The following TMED8 variants were observed in gnomAD, a reference collection of about 807,000 sequenced individuals.
TMED8 encodes the protein protein TMED8.
In TMED8, 15 loss-of-function variants were observed where a neutral mutation model predicts 32.7. That is an observed-to-expected ratio of 0.46 (90% confidence interval 0.31 to 0.71). TMED8 has a LOEUF of 0.71. Ranked by LOEUF, TMED8 falls within the 30% of genes least tolerant of loss-of-function variation. The probability of loss-of-function intolerance (pLI) is 0.06; values close to 1 mark genes in which losing one functional copy is unlikely to be tolerated. For missense variants in TMED8, 390 were observed against 423.9 expected (o/e 0.92, Z 0.70); for synonymous variants, 147 against 161.4 (o/e 0.91, Z 0.68).
At chr14:77,352,983 C>T (rs956920537) in intron 1 of TMED8, among the ~76,000 whole-genome samples, 1 of 152,026 alleles carries the variant, frequency 6.6e-6, no homozygotes, top group Non-Finnish European at 1.5e-5. Flanking sequence ...AACTAGGTGC[C>T]CTCAAGGAGT....
At position 77,339,986 on chromosome 14, in the gene TMED8, A is replaced by AAGGAG. The variant is rs1566681730; in HGVS notation, c.*1784_*1785insCTCCT. 1.3e-5 allele frequency: 2 copies of AAGGAG among 151,494 alleles called. No homozygotes were observed. Among genetic ancestry groups the AAGGAG allele is most frequent in the Non-Finnish European group, 3.0e-5 (2 of 67,768 alleles). 9.4% of individuals were successfully genotyped at this position (151,494 alleles called of 1,614,324 possible). On this transcript the variant is annotated 3_prime_UTR_variant, in exon 6 of 6. Transcript: ENST00000216468. ...GACCCTTGGTGTGAGGAATCTAACA[A>AAGGAG]TGAGTCAAAGGAAACATCACAAAGA...
At chr14:77,344,758 A>C (rs761324881) in intron 3 of TMED8, among the ~76,000 whole-genome samples, 4 of 152,260 alleles carry the variant, frequency 2.6e-5, no homozygotes, top group African/African-American at 4.8e-5. Flanking sequence ...AGAAATAAAT[A>C]AATCAAGTTT....
At chr14:77,375,577 G>A (rs572488548) in intron 1 of TMED8, among the ~76,000 whole-genome samples, 3 of 152,092 alleles carry the variant, frequency 2.0e-5, no homozygotes, top group South Asian at 2.1e-4. Context: ...AGCAGAGTTC[G>A]TAAGAAAAAA....
chr14:77,356,809 A>G (rs1445432919), intron 1 of TMED8, among the ~76,000 whole-genome samples: 13 of 152,158 alleles, frequency 8.5e-5, no homozygotes, highest in Admixed American at 8.5e-4. Flanking sequence ...ATCTACATCA[A>G]TCCTCACCAC....
In TMED8 at chr14:77,336,086, ATATAC is replaced by A. The variant is rs1344707492; in HGVS notation, c.*5680_*5684del. On this transcript the variant is annotated 3_prime_UTR_variant, in exon 6 of 6. Transcript: ENST00000216468. ...GAATTAAGGGCTCTTTGGTAATATC[ATATAC>A]TATAATATTTCAAACCAAAACTTCA... 2 of 152,190 alleles carry A rather than the reference ATATAC, an allele frequency of 1.3e-5. No individual in the cohort carries two copies. The highest frequency in any genetic ancestry group is 2.9e-5 in the Non-Finnish European group (2 of 68,028). 9.4% of individuals were successfully genotyped at this position (152,190 alleles called of 1,614,324 possible).
chr14:77,346,564 C>A, intron 2 of TMED8, 86 bp from the exon 3 acceptor site: 2 of 1,554,526 alleles, frequency 1.3e-6, no homozygotes, highest in Non-Finnish European at 1.8e-6. Flanking sequence ...AAACAACATT[C>A]GAGATACCCC....
chr14:77,356,525 C>G (rs540112013), intron 1 of TMED8, among the ~76,000 whole-genome samples: 21 of 152,122 alleles, frequency 1.4e-4, no homozygotes, highest in Non-Finnish European at 2.6e-4. Context: ...ACCTTCTTGC[C>G]CCACTCACCA....
chr14:77,353,659 G>A (rs1444623954), intron 1 of TMED8, among the ~76,000 whole-genome samples: 1 of 150,250 alleles, frequency 6.7e-6, no homozygotes, highest in Non-Finnish European at 1.5e-5. Context: ...GTCTCACTAT[G>A]TTGCCCAGGA....
At chr14:77,373,728 C>G (rs562869574) in intron 1 of TMED8, among the ~76,000 whole-genome samples, 1 of 152,172 alleles carries the variant, frequency 6.6e-6, no homozygotes, top group Admixed American at 6.5e-5. Context: ...CCAAATCTCA[C>G]GCTGAAATGT....
chr14:77,358,806 G>A (rs1405050231), intron 1 of TMED8, among the ~76,000 whole-genome samples: 1 of 152,064 alleles, frequency 6.6e-6, no homozygotes, highest in Non-Finnish European at 1.5e-5. Flanking sequence ...TCCATTATTT[G>A]TTTTTGAAAA....
At chr14:77,372,867 T>G (rs1893702294) in intron 1 of TMED8, among the ~76,000 whole-genome samples, 1 of 132,198 alleles carries the variant, frequency 7.6e-6, no homozygotes, top group South Asian at 2.7e-4. Context: ...CCACCAAATT[T>G]TGAATTTTAA....
At chr14:77,346,284 C>T (rs1893029205) in intron 3 of TMED8, 65 bp downstream of exon 3, 2 of 1,560,268 alleles carry the variant, frequency 1.3e-6, no homozygotes, top group Non-Finnish European at 1.7e-6. Context: ...AATTCCAACC[C>T]AACCACTATG....
At chr14:77,358,801 T>C (rs562866010) in intron 1 of TMED8, among the ~76,000 whole-genome samples, 123 of 152,358 alleles carry the variant, frequency 8.1e-4, no homozygotes, top group African/African-American at 2.9e-3. Context: ...AACCTTCCAT[T>C]ATTTGTTTTT....
In TMED8 at chr14:77,353,699, G is replaced by A. The variant is rs149581158; in HGVS notation, c.119-1948C>T. Among the ~76,000 whole-genome samples, 744 of 151,486 alleles carry A rather than the reference G, an allele frequency of 4.9e-3. 3 individuals carry two copies. Among genetic ancestry groups the A allele is most frequent in the African/African-American group, 0.017 (693 of 41,318 alleles). ...TTGTCTTGAATTCCTGGGCTCAAGTGATCCTCCCACCTCAGCCTCCCAAAG... is the reference window on the plus strand; with the variant it reads ...TTGTCTTGAATTCCTGGGCTCAAGTAATCCTCCCACCTCAGCCTCCCAAAG... On this transcript the variant is annotated intron_variant, in intron 1 of 5. Coordinates refer to ENST00000216468, the MANE Select transcript of TMED8 (RefSeq NM_213601.3).
chr14:77,376,928 T>G lies in TMED8; in HGVS notation c.118+8A>C, dbSNP rs780408970. On this transcript the variant is annotated splice_region_variant and intron_variant, in intron 1 of 5. Coordinates refer to ENST00000216468, the MANE Select transcript of TMED8 (RefSeq NM_213601.3). The surrounding 1 kb of genome is among the most constrained non-coding windows in gnomAD (Gnocchi z 4.0). ...GCACCCACCCGCCAGCGCCCCGGCCTTGCGTACCTGAGGCGGCCGCCTGGC... is the reference window on the plus strand; with the variant it reads ...GCACCCACCCGCCAGCGCCCCGGCCGTGCGTACCTGAGGCGGCCGCCTGGC... 1 of 1,440,212 alleles carries G rather than the reference T, an allele frequency of 6.9e-7. No homozygotes were observed. The highest frequency in any genetic ancestry group is 1.4e-5 in the South Asian group (1 of 73,246). The allele number at this position is 1,440,212 out of a possible 1,614,324, so 89.2% of individuals were successfully genotyped here.
intron 1 of TMED8, among the ~76,000 whole-genome samples, chr14:77,360,993 T>G (rs1274908878): frequency 6.7e-6 from 1 of 148,368 alleles, no homozygotes; most frequent in Non-Finnish European, 1.5e-5. Flanking sequence ...TTTTTTTTTT[T>G]TCAGACAGAG....
At chr14:77,362,420 T>C (rs1456548202) in intron 1 of TMED8, among the ~76,000 whole-genome samples, 1 of 152,106 alleles carries the variant, frequency 6.6e-6, no homozygotes, top group Non-Finnish European at 1.5e-5. Context: ...TAAGCTATTC[T>C]AACTACAATT....
intron 1 of TMED8, among the ~76,000 whole-genome samples, chr14:77,359,167 C>T (rs759269990): frequency 6.0e-4 from 92 of 152,148 alleles, no homozygotes; most frequent in Non-Finnish European, 9.7e-4. Context: ...ACCCCGGACT[C>T]CCAAAGTGCT....
intron 3 of TMED8, among the ~76,000 whole-genome samples, chr14:77,345,968 CAAAAA>C (rs370981070): frequency 0.028 from 2,155 of 76,666 alleles, 37 homozygotes; most frequent in African/African-American, 0.1. Context: ...GACCCTGTCT[CAAAAA>C]AAAAAAAAAA....
Sources: allele counts gnomAD v4.1 joint callset (sites outside exome capture counted in the v4.1 genomes callset), GRCh38; gene constraint gnomAD v4.1.1; non-coding constraint Gnocchi (gnomAD v3.1); transcripts MANE v1.5; gene names NCBI Gene and HGNC (gene_info 2026-07-23, HGNC 2026-07-21).